ZPBP: variants seen among roughly 807,000 people sequenced by gnomAD.
The protein encoded by ZPBP is zona pellucida-binding protein 1.
ZPBP carries 26 observed loss-of-function variants against 44.8 expected under a neutral mutation model. The ratio of observed to expected loss-of-function variants is 0.58; its 90% CI spans 0.43 to 0.81. ZPBP has a LOEUF of 0.81. Among genes scored for constraint, ZPBP ranks in the 30% least tolerant of loss-of-function variants. The probability of loss-of-function intolerance (pLI) is 0.00; values close to 1 mark genes in which losing one functional copy is unlikely to be tolerated. For missense variants in ZPBP, 409 were observed against 434.0 expected (o/e 0.94, Z 0.51); for synonymous variants, 174 against 153.2 (o/e 1.14, Z -1.00).
intron 7 of ZPBP, among the ~76,000 whole-genome samples, chr7:49,981,236 A>C (rs1796856398): frequency 9.8e-6 from 1 of 101,954 alleles, no homozygotes; most frequent in Non-Finnish European, 2.0e-5. Flanking sequence ...TACAAATTGT[A>C]AATATTTATA....
chr7:50,043,677 C>A (rs1800204699), intron 4 of ZPBP, among the ~76,000 whole-genome samples: 1 of 152,108 alleles, frequency 6.6e-6, no homozygotes, highest in African/African-American at 2.4e-5. Context: ...ATTCATAAAG[C>A]AAGTTCTTAG....
chr7:50,025,820 A>C (rs573853869), intron 5 of ZPBP, among the ~76,000 whole-genome samples: 5 of 151,964 alleles, frequency 3.3e-5, no homozygotes, highest in African/African-American at 1.2e-4. Flanking sequence ...TGTAAAAAAA[A>C]CCCACACAAC....
At chr7:49,895,963 G>T (rs1792365726) in intron 2 of ZPBP, among the ~76,000 whole-genome samples, 1 of 151,952 alleles carries the variant, frequency 6.6e-6, no homozygotes, top group Non-Finnish European at 1.5e-5. Context: ...CATTCACCAG[G>T]TAGTCATGAG....
intron 4 of ZPBP, 82 bp downstream of exon 4, chr7:50,057,907 C>G (rs1584137858): frequency 7.6e-7 from 1 of 1,321,966 alleles, no homozygotes; most frequent in Admixed American, 2.1e-5. Flanking sequence ...AACAAAGTCC[C>G]TTTAAGACAA....
chr7:50,061,802 G>A (rs1303750615), intron 3 of ZPBP, among the ~76,000 whole-genome samples: 1 of 152,184 alleles, frequency 6.6e-6, no homozygotes, highest in African/African-American at 2.4e-5. Context: ...GCTGAGGCAT[G>A]AGAATCGCTC....
intron 2 of ZPBP, among the ~76,000 whole-genome samples, chr7:49,870,244 C>T (rs1030089332): frequency 6.6e-6 from 1 of 151,930 alleles, no homozygotes; most frequent in Admixed American, 6.6e-5. Flanking sequence ...ACTAAAAATA[C>T]AAAAAATTAG....
chr7:49,877,009 G>A (rs1272696723), intron 2 of ZPBP, among the ~76,000 whole-genome samples: 1 of 151,988 alleles, frequency 6.6e-6, no homozygotes, highest in African/African-American at 2.4e-5. Flanking sequence ...GACAGTCTTG[G>A]GGTGCAGGGC....
intron 3 of ZPBP, among the ~76,000 whole-genome samples, chr7:50,063,700 G>A (rs531981919): frequency 6.6e-5 from 10 of 152,082 alleles, no homozygotes; most frequent in South Asian, 2.1e-4. Context: ...ATGATAGCTC[G>A]GCCATTATCA....
In ZPBP at chr7:49,929,007, G is replaced by A. The variant is rs375911530; in HGVS notation, n.411+6744C>T. 2.0e-5 allele frequency among the ~76,000 whole-genome samples: 3 copies of A among 152,102 alleles called. No homozygotes were observed. The South Asian group carries it at 6.2e-4, about 32-fold the overall frequency. On this transcript the variant is annotated intron_variant and non_coding_transcript_variant, in intron 1 of 2. Transcript: ENST00000465922. ...ACTCTGAGCATACTTGTACCACTGGGTCACATTTTCCAAGCAGAGAGCACC... is the reference window on the plus strand; with the variant it reads ...ACTCTGAGCATACTTGTACCACTGGATCACATTTTCCAAGCAGAGAGCACC...
At chr7:50,000,040 C>G (rs1322123091) in intron 6 of ZPBP, among the ~76,000 whole-genome samples, 1 of 151,934 alleles carries the variant, frequency 6.6e-6, no homozygotes, top group South Asian at 2.1e-4. Flanking sequence ...AGATGTAAGG[C>G]TTCTACACTT....
intron 1 of ZPBP, among the ~76,000 whole-genome samples, chr7:49,905,476 C>T (rs1238518477): frequency 6.6e-6 from 1 of 152,192 alleles, no homozygotes; most frequent in Non-Finnish European, 1.5e-5. Flanking sequence ...AGTTTACATT[C>T]CCTCTTGGAA....
chr7:50,023,555 T>C (rs1345863798), intron 5 of ZPBP, among the ~76,000 whole-genome samples: 4 of 152,026 alleles, frequency 2.6e-5, no homozygotes, highest in African/African-American at 9.7e-5. Flanking sequence ...ACTAATTTTT[T>C]ACTACCTAGT....
Position 49,950,222 on chromosome 7 carries a change from G to A in ZPBP, c.962-12600C>T, listed in dbSNP as rs140945396. ...AGTAGAAACAAATTTCACACATGTG[G>A]TCTACAATAATATGAATAGGTTAAA... On this transcript the variant is annotated intron_variant, in intron 7 of 7. Coordinates refer to ENST00000046087, the MANE Select transcript of ZPBP (RefSeq NM_007009.3). Among the ~76,000 whole-genome samples, 1,188 of 151,958 alleles carry A rather than the reference G, an allele frequency of 7.8e-3. 12 individuals carry two copies. Among genetic ancestry groups the A allele is most frequent in the Middle Eastern group, 0.017 (5 of 294 alleles).
At chr7:49,911,480 C>CAAAAAAAAAAAAAAAAAAAAAAAAAAA (rs34782644) in intron 1 of ZPBP, among the ~76,000 whole-genome samples, 1 of 71,632 alleles carries the variant, frequency 1.4e-5, no homozygotes, top group Non-Finnish European at 2.5e-5. Flanking sequence ...GACTCTGTCT[C>CAAAAAAAAAAAAAAAAAAAAAAAAAAA]AAAAAAAAAA....
At chr7:49,974,975 T>G (rs1237126608) in intron 7 of ZPBP, among the ~76,000 whole-genome samples, 1 of 151,996 alleles carries the variant, frequency 6.6e-6, no homozygotes, top group Non-Finnish European at 1.5e-5. Context: ...TGAGCAGTTG[T>G]GGGACCCACT....
At chr7:50,033,919 C>A (rs1167843641) in intron 4 of ZPBP, among the ~76,000 whole-genome samples, 1 of 152,038 alleles carries the variant, frequency 6.6e-6, no homozygotes, top group Admixed American at 6.5e-5. Context: ...TCTCGAACTC[C>A]TGACCTCAGG....
intron 5 of ZPBP, among the ~76,000 whole-genome samples, chr7:50,025,275 T>C (rs1296204229): frequency 6.6e-6 from 1 of 151,844 alleles, no homozygotes; most frequent in East Asian, 1.9e-4. Context: ...TTTGTGTTTA[T>C]CTACAAACTG....
intron 1 of ZPBP, among the ~76,000 whole-genome samples, chr7:49,924,938 T>C (rs1794176592): frequency 6.6e-6 from 1 of 152,124 alleles, no homozygotes; most frequent in Non-Finnish European, 1.5e-5. Flanking sequence ...GAAAACCCAA[T>C]GCACAGGAAA....
chr7:50,068,561 G>A (rs1195230014), intron 3 of ZPBP, among the ~76,000 whole-genome samples: 4 of 151,738 alleles, frequency 2.6e-5, no homozygotes, highest in Non-Finnish European at 4.4e-5. Flanking sequence ...CTTTTTCCAC[G>A]ACTGCGTTCA....
Sources: gnomAD v4.1 joint callset for allele counts (sites outside exome capture counted in the v4.1 genomes callset) on GRCh38, gnomAD v4.1.1 for gene constraint, MANE v1.5 for transcripts, NCBI Gene and HGNC (gene_info 2026-07-23, HGNC 2026-07-21) for gene names.